FAAH: variants seen among roughly 807,000 people sequenced by gnomAD.
FAAH encodes fatty acid amide hydrolase.
In FAAH, 63 loss-of-function variants were observed where a neutral mutation model predicts 69.7. The observed-to-expected ratio is 0.90, with a 90% CI of 0.74 to 1.12. The LOEUF (loss-of-function observed/expected upper bound fraction) is 1.12. Ranked by LOEUF, FAAH falls within the 50% of genes most tolerant of loss-of-function variation. The probability of loss-of-function intolerance (pLI) is 0.00; values close to 1 mark genes in which losing one functional copy is unlikely to be tolerated. For synonymous variants in FAAH, 305 were observed against 324.2 expected (o/e 0.94, Z 0.64); for missense variants, 680 against 755.0 (o/e 0.90, Z 1.16).
chr1:46,413,405 C>A, intron 14 of FAAH, 42 bp from the exon 15 acceptor site: 1 of 1,613,810 alleles, frequency 6.2e-7, no homozygotes, highest in South Asian at 1.1e-5. Context: ...GGTGGGGAGT[C>A]CTGCCTTGCT....
chr1:46,403,034 A>G (rs1013071417), intron 2 of FAAH, among the ~76,000 whole-genome samples: 5 of 152,080 alleles, frequency 3.3e-5, no homozygotes, highest in African/African-American at 1.2e-4. Context: ...GGGTTTCACC[A>G]TGTTGATCAG....
chr1:46,397,195 C>A lies in FAAH; in HGVS notation c.195+2652C>A, dbSNP rs1470012168. Among the ~76,000 whole-genome samples the A allele has an allele frequency of 2.8e-4, 43 of 152,242 alleles. 1 individual carries two copies. The highest frequency in any genetic ancestry group is 2.8e-3 in the Admixed American group (43 of 15,276). ...CTGCCAGCTCCAAGAGCAGCGTGGG[C>A]AGCACTAGCAGGGATCTGCTCACAG... is the stretch of plus-strand genomic sequence containing the variant. On this transcript the variant is annotated intron_variant, in intron 1 of 14. Transcript: ENST00000243167.
rs1264962123 is a variant in FAAH at position 46,410,228 on chromosome 1, C to T, written c.1176-170C>T. 1.4e-6 allele frequency: 1 copy of T among 706,490 alleles called. No homozygotes were observed. The highest frequency in any genetic ancestry group is 1.8e-5 in the African/African-American group (1 of 57,138). The allele number at this position is 706,490 out of a possible 1,614,324, so 43.8% of individuals were successfully genotyped here. On this transcript the variant is annotated intron_variant, in intron 9 of 14. Transcript: ENST00000243167. This position sits in a 1 kb window ranked among gnomAD's most constrained non-coding sequence, Gnocchi z 4.9. ...TGGATGTGGGTTGCAGCCCAGGCAT[C>T]CCAAAGGATCAGCAGAAACAAACGG...
chr1:46,413,297 A>G (rs1664950465), intron 14 of FAAH, 77 bp downstream of exon 14: 4 of 1,612,152 alleles, frequency 2.5e-6, no homozygotes, highest in Non-Finnish European at 3.4e-6. Flanking sequence ...CAGTACCAGC[A>G]CTGCGGGTTT....
chr1:46,402,088 C>T lies in FAAH; in HGVS notation c.196-3C>T. The T allele has an allele frequency of 6.2e-7, 1 of 1,602,736 alleles. No homozygotes were observed. The highest frequency in any genetic ancestry group is 8.5e-7 in the Non-Finnish European group (1 of 1,174,302). On this transcript the variant is annotated splice_polypyrimidine_tract_variant and splice_region_variant and intron_variant, in intron 1 of 14. Transcript: ENST00000243167. ...GGGACTGATCCGAGTTTGTTCCCCA[C>T]AGAACCCAGACCTGGACTCAGAGGC... is the stretch of plus-strand genomic sequence containing the variant.
rs116773736 is a variant in FAAH at position 46,396,514 on chromosome 1, G to C, written c.195+1971G>C. On this transcript the variant is annotated intron_variant, in intron 1 of 14. Transcript: ENST00000243167. ...TGTCTCAGTGGGGAGAAACCTTGGA[G>C]AATACCCAGGCTTTCTTGGGCAGAG... Among the ~76,000 whole-genome samples, 811 of 152,330 alleles carry C rather than the reference G, an allele frequency of 5.3e-3. 8 individuals are homozygous for C. The highest frequency in any genetic ancestry group is 0.018 in the African/African-American group (762 of 41,564).
At position 46,411,973 on chromosome 1, in the gene FAAH, C is replaced by G. The variant is rs1373869254; in HGVS notation, c.1357-170C>G. 6.6e-6 allele frequency among the ~76,000 whole-genome samples: 1 copy of G among 152,264 alleles called. No individual in the cohort carries two copies. Among genetic ancestry groups the G allele is most frequent in the Non-Finnish European group, 1.5e-5 (1 of 68,044 alleles). ...TTCTGGAGGCAGAACGACTGATGCC[C>G]TCTGAGAGGCAGCACTGCCTGCCCG... On this transcript the variant is annotated intron_variant, in intron 12 of 14. Transcript: ENST00000243167. This position sits in a 1 kb window ranked among gnomAD's most constrained non-coding sequence, Gnocchi z 4.8.
At chr1:46,406,210 G>A (rs201285358) in intron 6 of FAAH, 34 bp from the exon 7 acceptor site, 104 of 1,613,910 alleles carry the variant, frequency 6.4e-5, no homozygotes, top group Non-Finnish European at 8.6e-5. Flanking sequence ...CTCGCTCCTT[G>A]TCTGCTTACC....
chr1:46,411,716 C>T lies in FAAH; in HGVS notation c.1356+65C>T, dbSNP rs931503941. ...GGAGGGTGGAGTTGGACAGGGTACC[C>T]GCTAGCAGTGTCTCGTGGCCACTGC... is the stretch of plus-strand genomic sequence containing the variant. On this transcript the variant is annotated intron_variant, in intron 12 of 14. Coordinates refer to ENST00000243167, the MANE Select transcript of FAAH (RefSeq NM_001441.3). This position sits in a 1 kb window ranked among gnomAD's most constrained non-coding sequence, Gnocchi z 4.8. 1.8e-5 allele frequency: 28 copies of T among 1,581,552 alleles called. No individual in the cohort carries two copies. The Admixed American group carries it at 2.9e-4, about 16-fold the overall frequency.
Position 46,411,500 on chromosome 1 carries a change from T to C in FAAH, c.1317-112T>C. On this transcript the variant is annotated intron_variant, in intron 11 of 14. Coordinates refer to ENST00000243167, the MANE Select transcript of FAAH (RefSeq NM_001441.3). The surrounding 1 kb of genome is among the most constrained non-coding windows in gnomAD (Gnocchi z 4.8). ...TTCCCTCTCAGAGCTCCCATGGGGT[T>C]GTGAAGGGTCCACGGAGGGGTGAGA... 8.7e-7 allele frequency: 1 copy of C among 1,144,950 alleles called. No homozygotes were observed. Among genetic ancestry groups the C allele is most frequent in the Non-Finnish European group, 1.3e-6 (1 of 772,302 alleles). The allele number at this position is 1,144,950 out of a possible 1,614,324, so 70.9% of individuals were successfully genotyped here.
In FAAH at chr1:46,411,710, G is replaced by A; in HGVS notation, c.1356+59G>A. 6.3e-7 allele frequency: 1 copy of A among 1,595,210 alleles called. No individual in the cohort carries two copies. The highest frequency in any genetic ancestry group is 1.1e-5 in the South Asian group (1 of 89,988). On this transcript the variant is annotated intron_variant, in intron 12 of 14. Transcript: ENST00000243167. The surrounding 1 kb of genome is among the most constrained non-coding windows in gnomAD (Gnocchi z 4.8). ...GTGGGGGGAGGGTGGAGTTGGACAGGGTACCCGCTAGCAGTGTCTCGTGGC... is the reference window on the plus strand; with the variant it reads ...GTGGGGGGAGGGTGGAGTTGGACAGAGTACCCGCTAGCAGTGTCTCGTGGC...
At chr1:46,396,346 G>A (rs753786238) in intron 1 of FAAH, among the ~76,000 whole-genome samples, 8 of 152,146 alleles carry the variant, frequency 5.3e-5, no homozygotes, top group Non-Finnish European at 1.2e-4. Flanking sequence ...TCCCAGGGAC[G>A]AGCAGGAGAT....
intron 2 of FAAH, among the ~76,000 whole-genome samples, chr1:46,403,540 T>C (rs535618848): frequency 1.3e-5 from 2 of 152,374 alleles, no homozygotes; most frequent in East Asian, 3.9e-4. Flanking sequence ...CCATCTCTTG[T>C]ACTCCTCCTC....
At chr1:46,409,294 C>T in intron 9 of FAAH, 96 bp downstream of exon 9, 1 of 956,198 alleles carries the variant, frequency 1.0e-6, no homozygotes, top group Non-Finnish European at 1.7e-6. Context: ...TGGGCCTTAG[C>T]TGAATCCAAC....
chr1:46,406,264 A>G lies in FAAH; in HGVS notation c.847A>G (p.Met283Val), dbSNP rs775722990. 1.2e-6 allele frequency: 2 copies of G among 1,613,852 alleles called. No homozygotes were observed. Among genetic ancestry groups the G allele is most frequent in the Non-Finnish European group, 1.7e-6 (2 of 1,180,028 alleles). The change falls in exon 7 of 15, where the codon ATG (methionine) becomes GTG (valine). Residue 283 changes from methionine to valine, a missense_variant. Met to Val is a conservative substitution (Grantham distance 21). Coordinates refer to ENST00000243167, the MANE Select transcript of FAAH (RefSeq NM_001441.3). ...CACAGTGCGTCTCTCCGTGGGCCCC[A>G]TGGCCCGGGACGTGGAGAGCCTGGC... Reference protein sequence around the residue: ...QEAVRLSVGPMARDVESLALC... With the variant: ...QEAVRLSVGPVARDVESLALC...
intron 1 of FAAH, 47 bp downstream of exon 1, chr1:46,394,590 C>T: frequency 7.8e-7 from 1 of 1,279,168 alleles, no homozygotes; most frequent in Non-Finnish European, 9.9e-7. Context: ...AGGGTACTCG[C>T]AGCGGCACTT....
chr1:46,410,137 T>G lies in FAAH; in HGVS notation c.1176-261T>G. The G allele has an allele frequency of 4.4e-6, 2 of 459,228 alleles. No individual in the cohort carries two copies. The allele number at this position is 459,228 out of a possible 1,614,324, so 28.4% of individuals were successfully genotyped here. ...CTCATCAGGGAGATGTTGCCCTCAG[T>G]TCTTAGAGCTCTGAGCTGGGTTTGC... is the stretch of plus-strand genomic sequence containing the variant. On this transcript the variant is annotated intron_variant, in intron 9 of 14. Coordinates refer to ENST00000243167, the MANE Select transcript of FAAH (RefSeq NM_001441.3). This position sits in a 1 kb window ranked among gnomAD's most constrained non-coding sequence, Gnocchi z 4.9.
rs1569825144 is a variant in FAAH, at chr1:46,411,549, C to A, written c.1317-63C>A. 3.8e-6 allele frequency: 6 copies of A among 1,574,626 alleles called. No individual in the cohort carries two copies. The East Asian group carries it at 1.4e-4, about 36-fold the overall frequency. On this transcript the variant is annotated intron_variant, in intron 11 of 14. Transcript: ENST00000243167. The surrounding 1 kb of genome is among the most constrained non-coding windows in gnomAD (Gnocchi z 4.8). Reference sequence around the variant, plus strand: ...GATCTAGAGGGTTGGCAGTAGGGGTCTGATGTTGCTGATCTCCGTGGCTGT... The same window carrying A: ...GATCTAGAGGGTTGGCAGTAGGGGTATGATGTTGCTGATCTCCGTGGCTGT...
chr1:46,402,695 T>A lies in FAAH; in HGVS notation c.309+491T>A, dbSNP rs61017352. On this transcript the variant is annotated intron_variant, in intron 2 of 14. Coordinates refer to ENST00000243167, the MANE Select transcript of FAAH (RefSeq NM_001441.3). ...ACCCGGCTAATGAAAAGAAAAAAAA[T>A]TTTTTTTTTTTTTTTGAGATGGAGT... 9.8e-4 allele frequency among the ~76,000 whole-genome samples: 139 copies of A among 141,980 alleles called. 2 individuals carry two copies. The highest frequency in any genetic ancestry group is 9.8e-3 in the East Asian group (48 of 4,920). The allele number at this position is 141,980 out of a possible 152,430, so 93.1% of individuals were successfully genotyped here.
Sources: allele counts gnomAD v4.1 joint callset (sites outside exome capture counted in the v4.1 genomes callset), GRCh38; gene constraint gnomAD v4.1.1; non-coding constraint Gnocchi (gnomAD v3.1); transcripts MANE v1.5; gene names NCBI Gene and HGNC (gene_info 2026-07-23, HGNC 2026-07-21).